The following XKR4 variants were observed in gnomAD, a reference collection of about 807,000 sequenced individuals.
XKR4 encodes the protein XK-related protein 4.
In XKR4, 12 loss-of-function variants were observed where a neutral mutation model predicts 53.9. That is an observed-to-expected ratio of 0.22 (90% CI 0.14 to 0.36). XKR4 has a LOEUF of 0.36. XKR4 is among the 10% of genes least tolerant of loss of function. The pLI, the probability that XKR4 is intolerant of heterozygous loss-of-function variation, is 1.00. For synonymous variants in XKR4, 354 were observed against 362.4 expected, an observed-to-expected ratio of 0.98 and a Z score of 0.26; for missense variants, 799 against 859.5, an observed-to-expected ratio of 0.93 and a Z score of 0.88.
intron 1 of XKR4, among the ~76,000 whole-genome samples, chr8:55,354,999 G>A (rs1214691180): frequency 6.6e-6 from 1 of 151,716 alleles, no homozygotes; most frequent in Admixed American, 6.6e-5. Flanking sequence ...CGCCTCCTGG[G>A]TTCAAGTGAT....
chr8:55,451,043 C>T lies in XKR4; in HGVS notation c.1007-72238C>T, dbSNP rs1451810705. The T allele has an allele frequency of 5.3e-5, 29 of 547,832 alleles. 2 individuals carry two copies. The Admixed American group carries it at 7.0e-4, about 13-fold the overall frequency. 33.9% of individuals were successfully genotyped at this position (547,832 alleles called of 1,614,324 possible). A position where few individuals can be genotyped will look rare whatever the true frequency, so the allele number is the denominator to read the frequency against. On this transcript the variant is annotated intron_variant, in intron 2 of 2. Transcript: ENST00000327381. ...CCTTCACCTGCCGCGCCTGGAATAC[C>T]TTAATGGGCACCAGCTCTCACTGCT...
intron 1 of XKR4, chr8:55,164,039 A>G (rs1458667718): frequency 5.7e-6 from 2 of 350,998 alleles, no homozygotes; most frequent in Middle Eastern, 8.0e-4. Context: ...CCTCGCACAC[A>G]TGCACACAAC....
chr8:55,273,879 G>A (rs1026265239), intron 1 of XKR4, among the ~76,000 whole-genome samples: 17 of 152,084 alleles, frequency 1.1e-4, no homozygotes, highest in Non-Finnish European at 1.9e-4. Context: ...TTGATGAATC[G>A]GTTCTGTCTA....
chr8:55,269,603 A>T (rs578140201), intron 1 of XKR4, among the ~76,000 whole-genome samples: 25 of 152,306 alleles, frequency 1.6e-4, no homozygotes, highest in South Asian at 1.2e-3. Flanking sequence ...GATTATAAAG[A>T]GTTGTCATGC....
At chr8:55,201,617 T>C (rs1392694576) in intron 1 of XKR4, among the ~76,000 whole-genome samples, 1 of 152,226 alleles carries the variant, frequency 6.6e-6, no homozygotes, top group Non-Finnish European at 1.5e-5. Flanking sequence ...GCTATTTCTA[T>C]GGCTAAAATT....
intron 2 of XKR4, among the ~76,000 whole-genome samples, chr8:55,415,537 T>C (rs76897882): frequency 0.013 from 2,000 of 152,084 alleles, 42 homozygotes; most frequent in African/African-American, 0.045. Context: ...AGTCTTTGGA[T>C]AGAGAAAAAA....
Position 55,240,438 on chromosome 8 carries a change from C to A in XKR4, c.807-117240C>A, listed in dbSNP as rs1041744881. On this transcript the variant is annotated intron_variant, in intron 1 of 2. Coordinates refer to ENST00000327381, the MANE Select transcript of XKR4 (RefSeq NM_052898.2). ...CTTTGTCACTTATATTGATGAATTA[C>A]GGGACAGTTTAACTAGCATCTGAAG... is the stretch of plus-strand genomic sequence containing the variant. 2.0e-5 allele frequency among the ~76,000 whole-genome samples: 3 copies of A among 152,142 alleles called. No homozygotes were observed. In the East Asian group the frequency reaches 5.8e-4, roughly 29 times the overall value.
intron 1 of XKR4, among the ~76,000 whole-genome samples, chr8:55,341,425 C>T (rs1413410560): frequency 6.6e-6 from 1 of 152,154 alleles, no homozygotes; most frequent in Non-Finnish European, 1.5e-5. Context: ...ACAAAACCCT[C>T]AGGATGTACC....
rs1371864270 is a variant in XKR4, at chr8:55,527,378, G to A, written c.*3151G>A. 2 of 152,128 alleles carry A rather than the reference G, an allele frequency of 1.3e-5. No individual in the cohort carries two copies. Among genetic ancestry groups the A allele is most frequent in the African/African-American group, 2.4e-5 (1 of 41,424 alleles). The allele number at this position is 152,128 out of a possible 1,614,324, so 9.4% of individuals were successfully genotyped here. A position where few individuals can be genotyped will look rare whatever the true frequency, so the allele number is the denominator to read the frequency against. On this transcript the variant is annotated 3_prime_UTR_variant, in exon 3 of 3. Transcript: ENST00000327381. Reference sequence around the variant, plus strand: ...GAGTCCACTTTGATTCCATTTAAGAGGGAGATCTGCTCTTACTCACTTTTT... The same window carrying A: ...GAGTCCACTTTGATTCCATTTAAGAAGGAGATCTGCTCTTACTCACTTTTT...
chr8:55,126,553 G>C (rs77958675), intron 1 of XKR4, among the ~76,000 whole-genome samples: 192 of 152,318 alleles, frequency 1.3e-3, no homozygotes, highest in Non-Finnish European at 2.3e-3. Flanking sequence ...AGGCAAAATT[G>C]TGCTTTGGCA....
chr8:55,121,368 G>T (rs953282006), intron 1 of XKR4, among the ~76,000 whole-genome samples: 5 of 152,124 alleles, frequency 3.3e-5, no homozygotes, highest in Admixed American at 3.3e-4. Context: ...TGTGCCAAAT[G>T]ACCCTATGTT....
chr8:55,103,891 A>ATC (rs1563457071), intron 1 of XKR4, among the ~76,000 whole-genome samples: 6 of 123,170 alleles, frequency 4.9e-5, no homozygotes, highest in African/African-American at 1.2e-4. Flanking sequence ...ATATATATAT[A>ATC]TATCCCCGAG....
At chr8:55,376,707 C>T (rs1288983083) in intron 2 of XKR4, among the ~76,000 whole-genome samples, 1 of 152,000 alleles carries the variant, frequency 6.6e-6, no homozygotes, top group East Asian at 1.9e-4. Context: ...TCATCTGTAT[C>T]ATATGTGTGG....
At chr8:55,408,879 C>T (rs551696926) in intron 2 of XKR4, among the ~76,000 whole-genome samples, 4 of 151,978 alleles carry the variant, frequency 2.6e-5, no homozygotes, top group South Asian at 2.1e-4. Flanking sequence ...TGGTGGCGTG[C>T]GCCTGTAGTC....
At chr8:55,440,678 T>C (rs1805251329) in intron 2 of XKR4, among the ~76,000 whole-genome samples, 1 of 150,536 alleles carries the variant, frequency 6.6e-6, no homozygotes, top group Non-Finnish European at 1.5e-5. Context: ...CCCAAAAGAG[T>C]GGGCAAATAT....
chr8:55,303,640 G>A (rs922897352), intron 1 of XKR4, among the ~76,000 whole-genome samples: 4 of 152,198 alleles, frequency 2.6e-5, no homozygotes, highest in East Asian at 1.9e-4. Flanking sequence ...ACTTTTTTTG[G>A]TTGGTAAGCT....
chr8:55,396,383 GTTTT>G (rs5891571), intron 2 of XKR4, among the ~76,000 whole-genome samples: 1 of 122,594 alleles, frequency 8.2e-6, no homozygotes, highest in Non-Finnish European at 1.6e-5. Flanking sequence ...GTTTTTTTGT[GTTTT>G]TTTTTTGTTT....
chr8:55,465,145 T>C (rs1340933874), intron 2 of XKR4, among the ~76,000 whole-genome samples: 1 of 152,088 alleles, frequency 6.6e-6, no homozygotes, highest in Non-Finnish European at 1.5e-5. Context: ...ACTTTAAAGT[T>C]CATATGGAAC....
At chr8:55,443,852 A>G (rs1805307361) in intron 2 of XKR4, among the ~76,000 whole-genome samples, 2 of 144,830 alleles carry the variant, frequency 1.4e-5, no homozygotes, top group Non-Finnish European at 3.0e-5. Context: ...AAAAAAAAAA[A>G]AAGAAAGAAA....
Sources: gnomAD v4.1 joint callset for allele counts (sites outside exome capture counted in the v4.1 genomes callset) on GRCh38, gnomAD v4.1.1 for gene constraint, MANE v1.5 for transcripts, NCBI Gene and HGNC (gene_info 2026-07-23, HGNC 2026-07-21) for gene names.